SHANK1: variants seen among roughly 807,000 people sequenced by gnomAD.
SHANK1 encodes SH3 and multiple ankyrin repeat domains 1.
A neutral mutation model predicts 165.6 loss-of-function variants in SHANK1; 35 were observed. That is an observed-to-expected ratio of 0.21 (90% CI 0.16 to 0.28). The LOEUF is 0.28. Among genes scored for constraint, SHANK1 ranks in the 10% least tolerant of loss-of-function variants. The pLI, the probability that SHANK1 is intolerant of heterozygous loss-of-function variation, is 1.00. For synonymous variants in SHANK1, 1,428 were observed against 1,384.8 expected, an observed-to-expected ratio of 1.03 and a Z score of -0.69; for missense variants, 2,681 against 3,036.4, an observed-to-expected ratio of 0.88 and a Z score of 2.75.
intron 21 of SHANK1, among the ~76,000 whole-genome samples, chr19:50,683,755 T>C (rs1986247989): frequency 1.3e-5 from 2 of 152,144 alleles, no homozygotes. Context: ...TACTCAAGAT[T>C]TTCTCTGCTT....
intron 15 of SHANK1, 150 bp from the exon 16 acceptor site, chr19:50,689,429 C>G (rs373001934): frequency 1.7e-5 from 12 of 725,546 alleles, no homozygotes; most frequent in Admixed American, 8.0e-5. Flanking sequence ...GTCACCCACT[C>G]TGTGTGTGTA....
chr19:50,711,928 T>A lies in SHANK1; in HGVS notation c.960+19A>T. ...CTGGGTCCCCCACCCCAGCCCTTCATGGCCTGAATCAGGAGCACCTGGTGG... is the reference window on the plus strand; with the variant it reads ...CTGGGTCCCCCACCCCAGCCCTTCAAGGCCTGAATCAGGAGCACCTGGTGG... On this transcript the variant is annotated intron_variant, in intron 7 of 23. Transcript: ENST00000293441. 2 of 1,613,838 alleles carry A rather than the reference T, an allele frequency of 1.2e-6. No individual in the cohort carries two copies. The highest frequency in any genetic ancestry group is 2.2e-5 in the South Asian group (2 of 91,084).
chr19:50,711,366 C>T lies in SHANK1; in HGVS notation c.1077+5G>A. 3 of 1,551,892 alleles carry T rather than the reference C, an allele frequency of 1.9e-6. No homozygotes were observed. Among genetic ancestry groups the T allele is most frequent in the South Asian group, 1.2e-5 (1 of 84,126 alleles). On this transcript the variant is annotated splice_donor_5th_base_variant and intron_variant, in intron 8 of 23. Transcript: ENST00000293441. ...GGGGCCTGGGGTGGCCGCTGCTAGG[C>T]AGACCTTGTTGTAGAGGGCGCAGAT...
rs1458832758 is a variant in SHANK1, at chr19:50,689,297, G to A, written c.1965-18C>T. The A allele has an allele frequency of 4.4e-6, 6 of 1,361,036 alleles. No homozygotes were observed. Among genetic ancestry groups the A allele is most frequent in the Admixed American group, 1.7e-5 (1 of 59,314 alleles). The allele number at this position is 1,361,036 out of a possible 1,614,324, so 84.3% of individuals were successfully genotyped here. A position where few individuals can be genotyped will look rare whatever the true frequency, so the allele number is the denominator to read the frequency against. ...TGTAATCGCTGGCAGGGAGGCAGGA[G>A]AAATGGGGGGGTGGTGGGGGGAGTG... On this transcript the variant is annotated intron_variant, in intron 15 of 23. Transcript: ENST00000293441.
chr19:50,707,927 TTTTCTTTTCTTTTCTTTTCTTTTC>T (rs1568443683), intron 8 of SHANK1, among the ~76,000 whole-genome samples: 1 of 93,818 alleles, frequency 1.1e-5, no homozygotes, highest in Non-Finnish European at 2.2e-5. Context: ...TTTTCTTTTC[TTTTCTTTTCTTTTCTTTTCTTTTC>T]TTTTCTTTTC....
intron 12 of SHANK1, among the ~76,000 whole-genome samples, chr19:50,700,081 A>G (rs563510505): frequency 2.8e-5 from 3 of 105,818 alleles, no homozygotes; most frequent in African/African-American, 4.0e-5. Flanking sequence ...GCATTGGAGG[A>G]TTGGAGGGAT....
At chr19:50,700,782 C>T (rs1052675510) in intron 12 of SHANK1, among the ~76,000 whole-genome samples, 1 of 152,130 alleles carries the variant, frequency 6.6e-6, no homozygotes, top group African/African-American at 2.4e-5. Flanking sequence ...TCCTTTACCT[C>T]TGGCCTCAGC....
rs1379984741 is a variant in SHANK1, at chr19:50,660,727, G to A, written c.*1238C>T. Among the ~76,000 whole-genome samples, 1 of 143,460 alleles carries A rather than the reference G, an allele frequency of 7.0e-6. No homozygotes were observed. Among genetic ancestry groups the A allele is most frequent in the Non-Finnish European group, 1.5e-5 (1 of 65,742 alleles). 94.1% of individuals were successfully genotyped at this position (143,460 alleles called of 152,430 possible). ...CCGGAGAGCACTGAAAATGCTGGGG[G>A]GGGGGGCGCGTGTGCAAAAGCAAGT... On this transcript the variant is annotated 3_prime_UTR_variant, in exon 24 of 24. Transcript: ENST00000293441.
At chr19:50,685,386 C>T (rs1245882484) in intron 21 of SHANK1, among the ~76,000 whole-genome samples, 1 of 152,182 alleles carries the variant, frequency 6.6e-6, no homozygotes, top group Admixed American at 6.5e-5. Flanking sequence ...CTAACAACCT[C>T]GTGTACCTCC....
chr19:50,711,552 T>C (rs2123197246), intron 7 of SHANK1, 65 bp from the exon 8 acceptor site: 2 of 1,194,664 alleles, frequency 1.7e-6, no homozygotes, highest in South Asian at 1.3e-5. Flanking sequence ...GGGCCAAGAG[T>C]CTGTCTATGA....
At chr19:50,675,538 T>G (rs1985947997) in intron 21 of SHANK1, among the ~76,000 whole-genome samples, 1 of 152,210 alleles carries the variant, frequency 6.6e-6, no homozygotes, top group Non-Finnish European at 1.5e-5. Context: ...AAATATTTAT[T>G]GAGGACTTCC....
intron 15 of SHANK1, among the ~76,000 whole-genome samples, chr19:50,689,915 A>G (rs1227714347): frequency 6.6e-6 from 1 of 152,170 alleles, no homozygotes; most frequent in Non-Finnish European, 1.5e-5. Context: ...TAAAATTGCT[A>G]ATTCTGCACT....
At position 50,702,319 on chromosome 19, in the gene SHANK1, G is replaced by T; in HGVS notation, c.1747+148C>A. 1.5e-6 allele frequency: 1 copy of T among 668,446 alleles called. No individual in the cohort carries two copies. The highest frequency in any genetic ancestry group is 2.0e-5 in the South Asian group (1 of 50,502). 41.4% of individuals were successfully genotyped at this position (668,446 alleles called of 1,614,324 possible). A position where few individuals can be genotyped will look rare whatever the true frequency, so the allele number is the denominator to read the frequency against. ...TGAGCTACACTCTATGGTCCTCCAA[G>T]CCTCAAGGGGTGTCCTGGGGCTCTC... is the stretch of plus-strand genomic sequence containing the variant. On this transcript the variant is annotated intron_variant, in intron 12 of 23. Coordinates refer to ENST00000293441, the MANE Select transcript of SHANK1 (RefSeq NM_016148.5). This position sits in a 1 kb window ranked among gnomAD's most constrained non-coding sequence, Gnocchi z 5.3.
At position 50,697,002 on chromosome 19, in the gene SHANK1, C is replaced by T; in HGVS notation, c.1964+94G>A. On this transcript the variant is annotated intron_variant, in intron 15 of 23. Transcript: ENST00000293441. This position sits in a 1 kb window ranked among gnomAD's most constrained non-coding sequence, Gnocchi z 4.7. ...GACACACGTTCACACACCAAGAAAC[C>T]TCAGCTCTGGTCGTGCACACACGTT... is the stretch of plus-strand genomic sequence containing the variant. 1 of 1,042,680 alleles carries T rather than the reference C, an allele frequency of 9.6e-7. No individual in the cohort carries two copies. Among genetic ancestry groups the T allele is most frequent in the Non-Finnish European group, 1.5e-6 (1 of 662,876 alleles). 64.6% of individuals were successfully genotyped at this position (1,042,680 alleles called of 1,614,324 possible). A position where few individuals can be genotyped will look rare whatever the true frequency, so the allele number is the denominator to read the frequency against.
chr19:50,681,603 G>A (rs962146142), intron 21 of SHANK1, among the ~76,000 whole-genome samples: 7 of 152,088 alleles, frequency 4.6e-5, no homozygotes, highest in African/African-American at 9.7e-5. Context: ...GGAGCTCTGC[G>A]CATTTGTTGA....
At chr19:50,674,464 A>G (rs1985912103) in intron 21 of SHANK1, among the ~76,000 whole-genome samples, 1 of 152,084 alleles carries the variant, frequency 6.6e-6, no homozygotes, top group African/African-American at 2.4e-5. Context: ...TCCTCCAGCC[A>G]TTCACAACCA....
At chr19:50,687,016 C>A in intron 19 of SHANK1, 1 of 1,486,578 alleles carries the variant, frequency 6.7e-7, no homozygotes, top group African/African-American at 1.5e-5. Flanking sequence ...TGCCCACTCA[C>A]CACTCTTCTT....
intron 21 of SHANK1, among the ~76,000 whole-genome samples, chr19:50,681,036 C>A (rs1458160354): frequency 6.6e-6 from 1 of 151,904 alleles, no homozygotes; most frequent in Non-Finnish European, 1.5e-5. Flanking sequence ...GGGTACTGCA[C>A]CCCCCACCCC....
At chr19:50,708,668 T>A (rs1023748959) in intron 8 of SHANK1, among the ~76,000 whole-genome samples, 7 of 152,158 alleles carry the variant, frequency 4.6e-5, no homozygotes, top group Admixed American at 3.9e-4. Flanking sequence ...CATTCATTGG[T>A]TGAGTCATTC....
Sources: allele counts gnomAD v4.1 joint callset (sites outside exome capture counted in the v4.1 genomes callset), GRCh38; gene constraint gnomAD v4.1.1; non-coding constraint Gnocchi (gnomAD v3.1); transcripts MANE v1.5; gene names NCBI Gene and HGNC (gene_info 2026-07-23, HGNC 2026-07-21).